UHRF2: variants seen among roughly 807,000 people sequenced by gnomAD.
UHRF2 encodes ubiquitin like with PHD and ring finger domains 2.
A neutral mutation model predicts 96.8 loss-of-function variants in UHRF2; 23 were observed. The observed-to-expected ratio is 0.24, with a 90% confidence interval of 0.17 to 0.34. The LOEUF (loss-of-function observed/expected upper bound fraction) is 0.34. Ranked by LOEUF, UHRF2 falls within the 10% of genes least tolerant of loss-of-function variation. UHRF2 has a pLI of 1.00. For synonymous variants in UHRF2, 385 were observed against 332.6 expected (o/e 1.16, Z -1.72); for missense variants, 685 against 981.5 (o/e 0.70, Z 4.04).
At chr9:6,445,981 CT>C (rs57147850) in intron 3 of UHRF2, among the ~76,000 whole-genome samples, 2,496 of 78,910 alleles carry the variant, frequency 0.032, 110 homozygotes, top group African/African-American at 0.12. Flanking sequence ...CCCCGCCACC[CT>C]TTTTTTTTTT....
At chr9:6,424,891 T>C (rs572359556) in intron 2 of UHRF2, among the ~76,000 whole-genome samples, 1 of 152,248 alleles carries the variant, frequency 6.6e-6, no homozygotes, top group South Asian at 2.1e-4. Flanking sequence ...TGGGTTTGTT[T>C]TGGGGAGGAA....
chr9:6,426,539 T>C (rs200183645), intron 2 of UHRF2, among the ~76,000 whole-genome samples: 10 of 152,218 alleles, frequency 6.6e-5, no homozygotes, highest in Middle Eastern at 3.2e-3. Flanking sequence ...CCTTAGTAAT[T>C]GTCATAGGTA....
At chr9:6,451,509 C>T (rs532019940) in intron 3 of UHRF2, among the ~76,000 whole-genome samples, 48 of 150,424 alleles carry the variant, frequency 3.2e-4, no homozygotes, top group South Asian at 8.4e-4. Context: ...GACGGAGTCT[C>T]GCTGTCGCCC....
chr9:6,455,013 C>G (rs1822092692), intron 3 of UHRF2, among the ~76,000 whole-genome samples: 1 of 152,210 alleles, frequency 6.6e-6, no homozygotes, highest in Non-Finnish European at 1.5e-5. Context: ...ACTTTGAGAA[C>G]CACTGCTGTA....
intron 9 of UHRF2, among the ~76,000 whole-genome samples, chr9:6,487,182 CTTTTTTTTTT>C (rs1171978950): frequency 7.2e-5 from 5 of 69,580 alleles, no homozygotes; most frequent in African/African-American, 1.3e-4. Context: ...TTTTTTTTTC[CTTTTTTTTTT>C]TTTTTTTTTT....
chr9:6,421,577 C>A (rs190071019), intron 2 of UHRF2, among the ~76,000 whole-genome samples: 1 of 152,014 alleles, frequency 6.6e-6, no homozygotes, highest in Non-Finnish European at 1.5e-5. Context: ...CCACCACGCC[C>A]GGCTAATTTT....
intron 4 of UHRF2, among the ~76,000 whole-genome samples, chr9:6,471,772 A>G (rs558835198): frequency 6.6e-6 from 1 of 152,232 alleles, no homozygotes; most frequent in South Asian, 2.1e-4. Flanking sequence ...GGGCTAGAGT[A>G]CTCTTTAAAC....
chr9:6,480,887 C>T (rs1823885764), intron 6 of UHRF2, among the ~76,000 whole-genome samples: 1 of 152,142 alleles, frequency 6.6e-6, no homozygotes, highest in South Asian at 2.1e-4. Flanking sequence ...GCATAGTCTT[C>T]TTTGCTCTAA....
At chr9:6,413,980 C>T (rs944930132) in intron 1 of UHRF2, 3 of 194,270 alleles carry the variant, frequency 1.5e-5, no homozygotes, top group Non-Finnish European at 3.1e-5. Flanking sequence ...GGCCTGGGGC[C>T]CCCAGAGGGC....
chr9:6,475,604 C>T, intron 5 of UHRF2, 104 bp downstream of exon 5: 1 of 497,234 alleles, frequency 2.0e-6, no homozygotes, highest in Non-Finnish European at 3.4e-6. Context: ...AAACTGTAGA[C>T]CATACAAATT....
At chr9:6,428,788 GTCCTCCTGCCACT>G (rs1257020677) in intron 2 of UHRF2, among the ~76,000 whole-genome samples, 1 of 151,934 alleles carries the variant, frequency 6.6e-6, no homozygotes, top group Non-Finnish European at 1.5e-5. Flanking sequence ...GGTTCAAACA[GTCCTCCTGCCACT>G]TCCTCCCAAA....
At chr9:6,457,571 C>T (rs982243377) in intron 3 of UHRF2, among the ~76,000 whole-genome samples, 1 of 152,170 alleles carries the variant, frequency 6.6e-6, no homozygotes, top group Non-Finnish European at 1.5e-5. Context: ...GAGAGGCCAT[C>T]CCTGTCTTGT....
intron 3 of UHRF2, among the ~76,000 whole-genome samples, chr9:6,457,832 G>T (rs759503909): frequency 5.3e-5 from 8 of 152,192 alleles, no homozygotes; most frequent in Non-Finnish European, 1.0e-4. Context: ...TGTTGAACCA[G>T]CCTTGCATCC....
intron 4 of UHRF2, among the ~76,000 whole-genome samples, chr9:6,471,327 C>G (rs952002457): frequency 6.6e-6 from 1 of 152,166 alleles, no homozygotes; most frequent in Non-Finnish European, 1.5e-5. Context: ...ATTAGCTCAG[C>G]AAACTAATTT....
At chr9:6,461,115 G>T (rs1177707382) in intron 4 of UHRF2, among the ~76,000 whole-genome samples, 4 of 152,180 alleles carry the variant, frequency 2.6e-5, no homozygotes, top group Non-Finnish European at 5.9e-5. Context: ...AACTATAATT[G>T]CTATGAGGAT....
At chr9:6,459,274 C>G (rs524888) in intron 3 of UHRF2, among the ~76,000 whole-genome samples, 1 of 151,950 alleles carries the variant, frequency 6.6e-6, no homozygotes, top group South Asian at 2.1e-4. Flanking sequence ...TGGAGACTAT[C>G]GGAATATGCC....
chr9:6,427,167 A>G (rs773200532), intron 2 of UHRF2, among the ~76,000 whole-genome samples: 18 of 152,134 alleles, frequency 1.2e-4, no homozygotes, highest in Non-Finnish European at 1.6e-4. Context: ...TGGGCGTTGT[A>G]TTGCTTTTGT....
chr9:6,435,768 A>G (rs4742203), intron 3 of UHRF2, among the ~76,000 whole-genome samples: 143,547 of 152,148 alleles, frequency 0.94, 67,776 homozygotes, highest in East Asian at 1. Flanking sequence ...GTACCACACC[A>G]GGCTAATTCT....
At chr9:6,491,137 C>T (rs1446794435) in intron 9 of UHRF2, among the ~76,000 whole-genome samples, 1 of 152,174 alleles carries the variant, frequency 6.6e-6, no homozygotes, top group African/African-American at 2.4e-5. Flanking sequence ...GTGACCTCTT[C>T]TGAGAAGTGA....
Sources: gnomAD v4.1 joint callset for allele counts (sites outside exome capture counted in the v4.1 genomes callset) on GRCh38, gnomAD v4.1.1 for gene constraint, MANE v1.5 for transcripts, NCBI Gene and HGNC (gene_info 2026-07-23, HGNC 2026-07-21) for gene names.